The following TBCK variants were observed in gnomAD, a reference collection of about 807,000 sequenced individuals.
The protein encoded by TBCK is TBC domain-containing protein kinase-like protein.
A neutral mutation model predicts 113.4 loss-of-function variants in TBCK; 99 were observed. The ratio of observed to expected loss-of-function variants is 0.87; its 90% CI spans 0.74 to 1.03. The LOEUF is 1.03. TBCK is among the 50% of genes least tolerant of loss of function. TBCK has a pLI of 0.00. For missense variants in TBCK, 1,045 were observed against 1,061.3 expected (o/e 0.98, Z 0.21); for synonymous variants, 369 against 370.8 (o/e 1.00, Z 0.05).
At chr4:106,155,548 C>A (rs1749023094) in intron 23 of TBCK, among the ~76,000 whole-genome samples, 1 of 151,964 alleles carries the variant, frequency 6.6e-6, no homozygotes, top group Non-Finnish European at 1.5e-5. Flanking sequence ...TTTCCTAGAC[C>A]CTATAGGTAT....
intron 23 of TBCK, among the ~76,000 whole-genome samples, chr4:106,146,203 A>AATACAT (rs536379474): frequency 4.4e-4 from 67 of 152,230 alleles, no homozygotes; most frequent in South Asian, 1.2e-3. Flanking sequence ...ATATACATGT[A>AATACAT]ATACATATAC....
intron 12 of TBCK, among the ~76,000 whole-genome samples, chr4:106,240,756 T>A (rs1760018248): frequency 6.6e-6 from 1 of 151,982 alleles, no homozygotes; most frequent in Non-Finnish European, 1.5e-5. Flanking sequence ...GTAAGCTGAA[T>A]TGTAGTAATG....
At chr4:106,311,200 T>TACACACACACAC (rs36011277) in intron 1 of TBCK, among the ~76,000 whole-genome samples, 2 of 138,196 alleles carry the variant, frequency 1.4e-5, no homozygotes, top group Admixed American at 7.3e-5. Flanking sequence ...CAGAAACTCC[T>TACACACACACAC]ACACACACAC....
intron 20 of TBCK, among the ~76,000 whole-genome samples, chr4:106,203,412 T>G (rs1718728995): frequency 6.6e-6 from 1 of 151,718 alleles, no homozygotes; most frequent in South Asian, 2.1e-4. Context: ...CTGCAAATTA[T>G]TCACAAAATG....
At chr4:106,260,073 A>C (rs2150092950) in intron 5 of TBCK, among the ~76,000 whole-genome samples, 1 of 152,080 alleles carries the variant, frequency 6.6e-6, no homozygotes, top group Admixed American at 6.5e-5. Flanking sequence ...ATAATGTGAG[A>C]GTGATGTTTT....
At chr4:106,149,532 G>T (rs1038969571) in intron 23 of TBCK, among the ~76,000 whole-genome samples, 2 of 152,162 alleles carry the variant, frequency 1.3e-5, no homozygotes, top group African/African-American at 2.4e-5. Flanking sequence ...GGAGAAAAAT[G>T]GAGGAATGGC....
At chr4:106,215,794 TTAGACAGATCAAC>T (rs1245378431) in intron 19 of TBCK, among the ~76,000 whole-genome samples, 3 of 151,050 alleles carry the variant, frequency 2.0e-5, no homozygotes, top group African/African-American at 7.3e-5. Flanking sequence ...ACTGTCAACA[TTAGACAGATCAAC>T]GAGACAGAAA....
chr4:106,072,203 C>T (rs1024214913), intron 25 of TBCK, among the ~76,000 whole-genome samples: 1 of 152,214 alleles, frequency 6.6e-6, no homozygotes, highest in African/African-American at 2.4e-5. Context: ...ATAGTCTTTA[C>T]AATTTGGCAT....
chr4:106,083,347 CCCTGACCCA>C (rs1404268945), intron 25 of TBCK, among the ~76,000 whole-genome samples: 1 of 134,786 alleles, frequency 7.4e-6, no homozygotes, highest in Non-Finnish European at 1.7e-5. Context: ...TCAGGTCTAA[CCCTGACCCA>C]CCTTCCTCAG....
chr4:106,065,201 C>T (rs1195336670), intron 25 of TBCK, among the ~76,000 whole-genome samples: 1 of 151,910 alleles, frequency 6.6e-6, no homozygotes, highest in East Asian at 1.9e-4. Context: ...TAGACTAGCT[C>T]TCCCTATTGA....
chr4:106,312,874 C>G (rs1347970561), intron 1 of TBCK, among the ~76,000 whole-genome samples: 2 of 151,996 alleles, frequency 1.3e-5, no homozygotes, highest in Non-Finnish European at 2.9e-5. Flanking sequence ...AACTATAGTT[C>G]TAAACTATAG....
At chr4:106,314,387 G>A (rs995243453) in intron 1 of TBCK, among the ~76,000 whole-genome samples, 4 of 152,156 alleles carry the variant, frequency 2.6e-5, no homozygotes, top group Non-Finnish European at 5.9e-5. Flanking sequence ...AGAGGAGATT[G>A]TGAATGGTGT....
chr4:106,248,085 A>C (rs1761028917), intron 9 of TBCK, 160 bp downstream of exon 9: 4 of 429,428 alleles, frequency 9.3e-6, no homozygotes, highest in Non-Finnish European at 1.2e-5. Context: ...TAATTCACAA[A>C]AAATGAAAGC....
chr4:106,122,168 C>A (rs1335380963), intron 23 of TBCK, among the ~76,000 whole-genome samples: 1 of 151,356 alleles, frequency 6.6e-6, no homozygotes, highest in Non-Finnish European at 1.5e-5. Context: ...ATCAAATAGA[C>A]ACAATAAAAA....
At chr4:106,180,158 CTTTT>C (rs770337585) in intron 22 of TBCK, among the ~76,000 whole-genome samples, 1 of 150,258 alleles carries the variant, frequency 6.7e-6, no homozygotes, top group African/African-American at 2.4e-5. Flanking sequence ...ATAGTTGTGT[CTTTT>C]TTTTTAAATC....
intron 22 of TBCK, among the ~76,000 whole-genome samples, chr4:106,176,323 C>T (rs1751665327): frequency 6.6e-6 from 1 of 152,002 alleles, no homozygotes; most frequent in African/African-American, 2.4e-5. Flanking sequence ...TCTTCATCCC[C>T]ATCCCCCAGC....
At chr4:106,309,876 T>C (rs1768003202) in intron 1 of TBCK, 1 of 152,198 alleles carries the variant, frequency 6.6e-6, no homozygotes, top group South Asian at 2.1e-4. Flanking sequence ...GGCTCCAGTT[T>C]AGAGATAGTT....
intron 25 of TBCK, among the ~76,000 whole-genome samples, chr4:106,076,516 A>G (rs1028329505): frequency 3.9e-5 from 6 of 152,168 alleles, no homozygotes; most frequent in Admixed American, 2.0e-4. Flanking sequence ...AAATGCAGAG[A>G]ACCCTTGTGA....
At chr4:106,114,670 C>G (rs1289659043) in intron 24 of TBCK, among the ~76,000 whole-genome samples, 1 of 152,074 alleles carries the variant, frequency 6.6e-6, no homozygotes, top group African/African-American at 2.4e-5. Flanking sequence ...GACCTGGCAA[C>G]AGACAACCTA....
Sources: allele counts gnomAD v4.1 joint callset (sites outside exome capture counted in the v4.1 genomes callset), GRCh38; gene constraint gnomAD v4.1.1; transcripts MANE v1.5; gene names NCBI Gene and HGNC (gene_info 2026-07-23, HGNC 2026-07-21).